SNTG1: variants seen among roughly 807,000 people sequenced by gnomAD.
The protein encoded by SNTG1 is syntrophin gamma 1.
A neutral mutation model predicts 74.7 loss-of-function variants in SNTG1; 39 were observed. The ratio of observed to expected loss-of-function variants is 0.52; its 90% confidence interval spans 0.40 to 0.68. The LOEUF (loss-of-function observed/expected upper bound fraction) is 0.68. Ranked by LOEUF, SNTG1 falls within the 30% of genes least tolerant of loss-of-function variation. The pLI is 0.00. For synonymous variants in SNTG1, 254 were observed against 217.1 expected, an observed-to-expected ratio of 1.17 and a Z score of -1.49; for missense variants, 685 against 609.5, an observed-to-expected ratio of 1.12 and a Z score of -1.30.
chr8:50,453,165 T>C (rs2093472074), intron 8 of SNTG1, among the ~76,000 whole-genome samples: 1 of 152,212 alleles, frequency 6.6e-6, no homozygotes, highest in Non-Finnish European at 1.5e-5. Context: ...AATGTTACTT[T>C]TGTGTTGGAG....
chr8:50,162,559 C>CAAAAAAAAAAAA (rs34746562), intron 1 of SNTG1, among the ~76,000 whole-genome samples: 1 of 83,958 alleles, frequency 1.2e-5, no homozygotes, highest in African/African-American at 4.6e-5. Flanking sequence ...GACTCTGTCT[C>CAAAAAAAAAAAA]AAAAAAAAAA....
chr8:50,261,542 A>T (rs35227347), intron 2 of SNTG1, among the ~76,000 whole-genome samples: 85,718 of 152,004 alleles, frequency 0.56, 27,914 homozygotes, highest in East Asian at 0.83. Context: ...ATTACTACTA[A>T]TCTGTTAGTT....
At position 50,718,805 on chromosome 8, in the gene SNTG1, T is replaced by C. The variant is rs185662505; in HGVS notation, c.1284+9827T>C. On this transcript the variant is annotated intron_variant, in intron 17 of 18. Transcript: ENST00000642720. ...AGTAAATGTGAAGAATAGTGTGGCC[T>C]CAAAAATAAAACTATACAGATATTT... 2.0e-3 allele frequency among the ~76,000 whole-genome samples: 303 copies of C among 152,302 alleles called. 3 individuals carry two copies. Among genetic ancestry groups the C allele is most frequent in the African/African-American group, 7.1e-3 (296 of 41,572 alleles).
intron 1 of SNTG1, among the ~76,000 whole-genome samples, chr8:50,046,821 C>T (rs779879042): frequency 2.0e-5 from 3 of 152,130 alleles, no homozygotes; most frequent in Non-Finnish European, 4.4e-5. Flanking sequence ...TATGTCTTAG[C>T]CTCCTTTACT....
intron 1 of SNTG1, among the ~76,000 whole-genome samples, chr8:50,080,962 C>T (rs973293604): frequency 9.2e-5 from 14 of 151,948 alleles, no homozygotes; most frequent in Non-Finnish European, 1.5e-4. Context: ...TCTTTTCTTC[C>T]TACCTCTTTT....
At chr8:50,252,362 G>A (rs982242993) in intron 2 of SNTG1, among the ~76,000 whole-genome samples, 3 of 151,910 alleles carry the variant, frequency 2.0e-5, no homozygotes, top group Non-Finnish European at 4.4e-5. Context: ...ATAAAGCTCA[G>A]ACCTAAATAA....
chr8:50,676,240 C>A (rs1450985499), intron 15 of SNTG1, among the ~76,000 whole-genome samples: 1 of 151,988 alleles, frequency 6.6e-6, no homozygotes, highest in Admixed American at 6.6e-5. Flanking sequence ...CAGCTTGTTT[C>A]CATTCTCCCT....
chr8:50,073,695 G>T (rs1387386380), intron 1 of SNTG1, among the ~76,000 whole-genome samples: 1 of 152,010 alleles, frequency 6.6e-6, no homozygotes, highest in Non-Finnish European at 1.5e-5. Flanking sequence ...CTGAGAAATG[G>T]ATGTTGTGTT....
chr8:50,477,644 G>T (rs2093707356), intron 8 of SNTG1, among the ~76,000 whole-genome samples: 1 of 152,120 alleles, frequency 6.6e-6, no homozygotes, highest in Admixed American at 6.5e-5. Context: ...TATGGACTTT[G>T]GTTAGTAAGA....
At chr8:50,519,270 C>T (rs1170903877) in intron 9 of SNTG1, among the ~76,000 whole-genome samples, 1 of 152,182 alleles carries the variant, frequency 6.6e-6, no homozygotes, top group Non-Finnish European at 1.5e-5. Flanking sequence ...TATGCAAAAA[C>T]TCTCAATAAA....
intron 12 of SNTG1, among the ~76,000 whole-genome samples, chr8:50,582,677 A>T (rs138753737): frequency 2.0e-5 from 3 of 152,140 alleles, no homozygotes; most frequent in African/African-American, 2.4e-5. Context: ...CAAGCATAAC[A>T]TATTTTTTTT....
At chr8:50,245,569 G>T (rs1354787637) in intron 2 of SNTG1, among the ~76,000 whole-genome samples, 1 of 152,082 alleles carries the variant, frequency 6.6e-6, no homozygotes, top group African/African-American at 2.4e-5. Flanking sequence ...TGTAATCTCA[G>T]CTACTTGGGA....
intron 9 of SNTG1, among the ~76,000 whole-genome samples, chr8:50,504,278 C>A (rs2093988172): frequency 6.6e-6 from 1 of 152,100 alleles, no homozygotes; most frequent in Non-Finnish European, 1.5e-5. Flanking sequence ...TATGTCTTTA[C>A]TATTGTGAAT....
intron 2 of SNTG1, among the ~76,000 whole-genome samples, chr8:50,258,674 A>G (rs2086999892): frequency 6.6e-6 from 1 of 152,192 alleles, no homozygotes; most frequent in African/African-American, 2.4e-5. Flanking sequence ...ATAGTATATC[A>G]AAACTTGAAG....
chr8:50,045,082 A>G (rs1818964196), intron 1 of SNTG1, among the ~76,000 whole-genome samples: 1 of 152,160 alleles, frequency 6.6e-6, no homozygotes, highest in Admixed American at 6.5e-5. Context: ...CAGTGTTAGG[A>G]GACAGTAGGG....
chr8:50,511,174 C>T (rs1396066616), intron 9 of SNTG1, among the ~76,000 whole-genome samples: 4 of 152,158 alleles, frequency 2.6e-5, no homozygotes, highest in South Asian at 4.1e-4. Flanking sequence ...TAGTTATATA[C>T]CCAGTAGTCA....
chr8:50,030,412 T>G (rs1477814609), intron 1 of SNTG1, among the ~76,000 whole-genome samples: 3 of 152,066 alleles, frequency 2.0e-5, no homozygotes, highest in Non-Finnish European at 4.4e-5. Flanking sequence ...CTCTAAGAAC[T>G]CTATACCTAG....
At chr8:50,021,264 A>G (rs928463011) in intron 1 of SNTG1, among the ~76,000 whole-genome samples, 41 of 152,152 alleles carry the variant, frequency 2.7e-4, no homozygotes, top group Admixed American at 1.1e-3. Context: ...CCTCAATTGT[A>G]TCTACATTGT....
At chr8:50,732,174 C>A (rs1480624571) in intron 17 of SNTG1, among the ~76,000 whole-genome samples, 1 of 151,904 alleles carries the variant, frequency 6.6e-6, no homozygotes, top group African/African-American at 2.4e-5. Flanking sequence ...CTTAAAAGTA[C>A]ATCTAGTTGA....
Sources: gnomAD v4.1 joint callset for allele counts (sites outside exome capture counted in the v4.1 genomes callset) on GRCh38, gnomAD v4.1.1 for gene constraint, MANE v1.5 for transcripts, NCBI Gene and HGNC (gene_info 2026-07-23, HGNC 2026-07-21) for gene names.